Variants in ADAMTS19 observed in about 807,000 individuals in gnomAD.
ADAMTS19 encodes the protein A disintegrin and metalloproteinase with thrombospondin motifs 19.
Under a neutral mutation model 153.3 loss-of-function variants are expected in ADAMTS19, and 93 were observed. That is an observed-to-expected ratio of 0.61 (90% confidence interval 0.51 to 0.72). The LOEUF is 0.72. Ranked by LOEUF, ADAMTS19 falls within the 30% of genes least tolerant of loss-of-function variation. The pLI is 0.00. For missense variants in ADAMTS19, 1,482 were observed against 1,552.1 expected (o/e 0.95, Z 0.76); for synonymous variants, 600 against 556.6 (o/e 1.08, Z -1.10).
chr5:129,518,827 G>T (rs2126743569), intron 3 of ADAMTS19, among the ~76,000 whole-genome samples: 1 of 151,464 alleles, frequency 6.6e-6, no homozygotes, highest in East Asian at 1.9e-4. Flanking sequence ...TCTTATATTT[G>T]CCCTTTTGAG....
At chr5:129,491,179 T>G (rs1198166912) in intron 2 of ADAMTS19, among the ~76,000 whole-genome samples, 1 of 152,030 alleles carries the variant, frequency 6.6e-6, no homozygotes, top group African/African-American at 2.4e-5. Flanking sequence ...TTTTTTTGTA[T>G]TTTTAGTAGA....
intron 16 of ADAMTS19, among the ~76,000 whole-genome samples, chr5:129,672,176 C>T (rs1374972660): frequency 6.6e-6 from 1 of 152,088 alleles, no homozygotes; most frequent in Non-Finnish European, 1.5e-5. Context: ...GAAACAAGCT[C>T]TCTTGGGACT....
intron 3 of ADAMTS19, among the ~76,000 whole-genome samples, chr5:129,517,307 A>G (rs909661258): frequency 2.0e-5 from 3 of 151,962 alleles, no homozygotes; most frequent in Non-Finnish European, 2.9e-5. Flanking sequence ...CATTTGGCCT[A>G]TAGTGCAGAT....
intron 11 of ADAMTS19, 46 bp downstream of exon 11, chr5:129,642,006 A>G: frequency 8.1e-7 from 1 of 1,241,888 alleles, no homozygotes; most frequent in South Asian, 1.5e-5. Flanking sequence ...ACTAGATGAA[A>G]CTTGAGAATC....
In ADAMTS19 at chr5:129,620,671, T is replaced by C. The variant is rs1751738681; in HGVS notation, c.1532T>C (p.Ile511Thr). ...CCATCGTGTGCTGATGGTCTTCATA[T>C]CATGTCTGGTGAATGGATTAAAGGA... ...DHPSCADGLHIMSGEWIKGQN... is the reference protein window; with the variant it reads ...DHPSCADGLHTMSGEWIKGQN... Residue 511 changes from isoleucine (I) to threonine (T), a missense_variant, in exon 9 of 23, where the codon ATC (isoleucine) becomes ACC (threonine). By Grantham distance (89) the Ile-to-Thr change is moderately conservative. Coordinates refer to ENST00000274487, the MANE Select transcript of ADAMTS19 (RefSeq NM_133638.6). The C allele has an allele frequency of 6.2e-7, 1 of 1,612,964 alleles. No individual in the cohort carries two copies. The highest frequency in any genetic ancestry group is 8.5e-7 in the Non-Finnish European group (1 of 1,179,158).
intron 16 of ADAMTS19, among the ~76,000 whole-genome samples, chr5:129,678,919 A>C (rs1213689116): frequency 6.6e-6 from 1 of 152,208 alleles, no homozygotes; most frequent in Non-Finnish European, 1.5e-5. Flanking sequence ...CCTTCAATGA[A>C]TCCTCATGTA....
chr5:129,505,320 T>G (rs1250726536), intron 2 of ADAMTS19, among the ~76,000 whole-genome samples: 2 of 152,132 alleles, frequency 1.3e-5, no homozygotes, highest in Non-Finnish European at 2.9e-5. Context: ...TGAAGCGAAA[T>G]AGTCATCCCC....
intron 16 of ADAMTS19, among the ~76,000 whole-genome samples, chr5:129,676,277 A>C (rs1028354934): frequency 6.6e-6 from 1 of 152,130 alleles, no homozygotes; most frequent in Non-Finnish European, 1.5e-5. Context: ...CAGTTAACTT[A>C]CTTGCAGATC....
At position 129,559,451 on chromosome 5, in the gene ADAMTS19, G is replaced by T. The variant is rs181373255; in HGVS notation, c.1372+7544G>T. The stretch of plus-strand genomic sequence containing the variant: ...TAGTAGTAAAGGAAATGAACATTCA[G>T]ATCACAAGCAGATTTCTACCAGTGG... On this transcript the variant is annotated intron_variant, in intron 7 of 22. Transcript: ENST00000274487. Among the ~76,000 whole-genome samples, 5 of 152,136 alleles carry T rather than the reference G, an allele frequency of 3.3e-5. No individual in the cohort carries two copies. In the East Asian group the frequency reaches 9.7e-4, roughly 29 times the overall value.
intron 2 of ADAMTS19, among the ~76,000 whole-genome samples, chr5:129,482,920 G>A (rs1250005602): frequency 2.0e-5 from 3 of 151,794 alleles, no homozygotes; most frequent in Non-Finnish European, 4.4e-5. Context: ...ATTATATTTT[G>A]GTATTATAGG....
At chr5:129,624,629 T>C (rs895977443) in intron 10 of ADAMTS19, among the ~76,000 whole-genome samples, 1 of 152,184 alleles carries the variant, frequency 6.6e-6, no homozygotes, top group African/African-American at 2.4e-5. Flanking sequence ...GCATTCCTAC[T>C]GTAAAAGCTC....
At chr5:129,612,546 C>G (rs1231681706) in intron 8 of ADAMTS19, among the ~76,000 whole-genome samples, 1 of 152,086 alleles carries the variant, frequency 6.6e-6, no homozygotes, top group African/African-American at 2.4e-5. Flanking sequence ...AAGCACTAAA[C>G]ATGGAAAGGA....
chr5:129,633,359 ATTGT>A (rs1479387155), intron 10 of ADAMTS19, among the ~76,000 whole-genome samples: 2 of 152,108 alleles, frequency 1.3e-5, no homozygotes, highest in African/African-American at 2.4e-5. Flanking sequence ...TCAGGTTTGA[ATTGT>A]TTATTTACAT....
At chr5:129,624,270 A>T (rs969559597) in intron 10 of ADAMTS19, among the ~76,000 whole-genome samples, 1 of 151,920 alleles carries the variant, frequency 6.6e-6, no homozygotes, top group Non-Finnish European at 1.5e-5. Context: ...ATCGTGTGTG[A>T]CAATTATGAC....
intron 2 of ADAMTS19, among the ~76,000 whole-genome samples, chr5:129,465,883 T>C (rs948956082): frequency 2.0e-5 from 3 of 152,198 alleles, no homozygotes; most frequent in Admixed American, 6.5e-5. Context: ...ACATCAGATA[T>C]TTCAAATATC....
chr5:129,694,813 A>G lies in ADAMTS19; in HGVS notation c.2912A>G (p.Glu971Gly). 1.2e-6 allele frequency: 2 copies of G among 1,604,388 alleles called. No individual in the cohort carries two copies. Among genetic ancestry groups the G allele is most frequent in the East Asian group, 2.3e-5 (1 of 44,190 alleles). The change falls in exon 19 of 23, where the codon GAG becomes GGG. Residue 971 changes from glutamate (E) to glycine (G), a missense_variant. Glu to Gly is a moderately conservative substitution (Grantham distance 98). Transcript: ENST00000274487. ...NEKCKYLTKP[E>G]PQIRKCNEQP... ...AAATGCAAATACTTAACCAAGCCAGAGCCACAGATTCGAAAGTGCAATGAG... is the reference window on the plus strand; with the variant it reads ...AAATGCAAATACTTAACCAAGCCAGGGCCACAGATTCGAAAGTGCAATGAG...
intron 18 of ADAMTS19, among the ~76,000 whole-genome samples, chr5:129,692,187 T>C (rs1016494814): frequency 6.6e-6 from 1 of 152,166 alleles, no homozygotes; most frequent in African/African-American, 2.4e-5. Context: ...GCTAGCATTA[T>C]ACAAAATCTG....
At chr5:129,546,216 TCA>T (rs1432581208) in intron 6 of ADAMTS19, among the ~76,000 whole-genome samples, 1 of 138,314 alleles carries the variant, frequency 7.2e-6, no homozygotes, top group African/African-American at 2.8e-5. Context: ...AAGGGGAATA[TCA>T]CACTCTGGGG....
At chr5:129,599,635 T>A (rs961033117) in intron 8 of ADAMTS19, among the ~76,000 whole-genome samples, 1 of 152,190 alleles carries the variant, frequency 6.6e-6, no homozygotes, top group African/African-American at 2.4e-5. Context: ...TTTATTAACA[T>A]CTAAACTGTT....
Sources: allele counts gnomAD v4.1 joint callset (sites outside exome capture counted in the v4.1 genomes callset), GRCh38; gene constraint gnomAD v4.1.1; transcripts MANE v1.5; gene names NCBI Gene and HGNC (gene_info 2026-07-23, HGNC 2026-07-21).